LRP2: variants seen among roughly 807,000 people sequenced by gnomAD.
LRP2 encodes the protein LDL receptor related protein 2.
LRP2 carries 172 observed loss-of-function variants against 531.0 expected under a neutral mutation model. The observed-to-expected ratio is 0.32, with a 90% CI of 0.29 to 0.37. The LOEUF (loss-of-function observed/expected upper bound fraction) is 0.37. Among genes scored for constraint, LRP2 ranks in the 10% least tolerant of loss-of-function variants. The probability of loss-of-function intolerance (pLI) is 1.00; values close to 1 mark genes in which losing one functional copy is unlikely to be tolerated. For synonymous variants in LRP2, 1,992 were observed against 2,027.6 expected, an observed-to-expected ratio of 0.98 and a Z score of 0.47; for missense variants, 5,167 against 5,868.3, an observed-to-expected ratio of 0.88 and a Z score of 3.90.
intron 21 of LRP2, among the ~76,000 whole-genome samples, chr2:169,245,150 A>C (rs1434373044): frequency 6.6e-6 from 1 of 152,236 alleles, no homozygotes; most frequent in Non-Finnish European, 1.5e-5. Context: ...TTATGCACCC[A>C]CACACATCAT....
chr2:169,221,291 G>C (rs924886162), intron 33 of LRP2, among the ~76,000 whole-genome samples: 1 of 152,128 alleles, frequency 6.6e-6, no homozygotes, highest in South Asian at 2.1e-4. Flanking sequence ...TGAGGTATTA[G>C]AGCAAGCATT....
intron 50 of LRP2, among the ~76,000 whole-genome samples, chr2:169,184,775 T>TG (rs1199547043): frequency 3.3e-5 from 5 of 151,458 alleles, no homozygotes; most frequent in Non-Finnish European, 5.9e-5. Context: ...TTGTTTTGTT[T>TG]TTTTTGAGAA....
chr2:169,157,900 T>C (rs1192603909), intron 63 of LRP2, among the ~76,000 whole-genome samples: 1 of 140,712 alleles, frequency 7.1e-6, no homozygotes, highest in Non-Finnish European at 1.5e-5. Flanking sequence ...GATAGATCGA[T>C]AGATAGATAA....
In LRP2 at chr2:169,226,494, T is replaced by G; in HGVS notation, c.5322A>C (p.Ile1774=). The G allele has an allele frequency of 6.2e-7, 1 of 1,613,216 alleles. No homozygotes were observed. The highest frequency in any genetic ancestry group is 8.5e-7 in the Non-Finnish European group (1 of 1,179,236). Reference sequence around the variant, plus strand: ...CATCTAAACCATTCTGTATCCCTGCTATGGGGACCATAGCATCATTGCTCT... The same window carrying G: ...CATCTAAACCATTCTGTATCCCTGCGATGGGGACCATAGCATCATTGCTCT... ...EVKSNDAMVP[I]AGIQNGLDVE... The change falls in exon 32 of 79, where the codon ATA becomes ATC. Residue 1774 remains isoleucine (I), a synonymous_variant. Transcript: ENST00000649046.
rs147998674 is a variant in LRP2, at chr2:169,128,568, T to G, written c.*95A>C. ...GGCAAACAGGGAAAAATATATTTTT[T>G]TCATAAAGTACTGAATGTTAACTTT... is the stretch of plus-strand genomic sequence containing the variant. On this transcript the variant is annotated 3_prime_UTR_variant, in exon 79 of 79. Transcript: ENST00000649046. The G allele has an allele frequency of 1.6e-6, 2 of 1,266,220 alleles. No homozygotes were observed. Among genetic ancestry groups the G allele is most frequent in the Non-Finnish European group, 1.1e-6 (1 of 873,472 alleles). The allele number at this position is 1,266,220 out of a possible 1,614,324, so 78.4% of individuals were successfully genotyped here. A position where few individuals can be genotyped will look rare whatever the true frequency, so the allele number is the denominator to read the frequency against.
chr2:169,288,107 G>A (rs1683906093), intron 9 of LRP2, among the ~76,000 whole-genome samples: 1 of 151,978 alleles, frequency 6.6e-6, no homozygotes, highest in African/African-American at 2.4e-5. Flanking sequence ...CCCAACAGCA[G>A]TAAAAATAGT....
At chr2:169,299,746 A>C (rs1304414547) in intron 4 of LRP2, among the ~76,000 whole-genome samples, 1 of 152,106 alleles carries the variant, frequency 6.6e-6, no homozygotes, top group Non-Finnish European at 1.5e-5. Context: ...TTCATACTTT[A>C]GTAGTTATTC....
chr2:169,280,963 T>C (rs879486483), intron 10 of LRP2, among the ~76,000 whole-genome samples: 17 of 152,234 alleles, frequency 1.1e-4, no homozygotes, highest in Non-Finnish European at 2.2e-4. Context: ...GTTCCAAATC[T>C]GTTCTGTCTG....
At chr2:169,229,330 T>C (rs74400513) in intron 31 of LRP2, among the ~76,000 whole-genome samples, 5,640 of 152,278 alleles carry the variant, frequency 0.037, 147 homozygotes, top group South Asian at 0.097. Flanking sequence ...TAGTCAGGAA[T>C]GAGAACTCAG....
At chr2:169,227,714 T>C (rs1458958808) in intron 31 of LRP2, among the ~76,000 whole-genome samples, 1 of 152,190 alleles carries the variant, frequency 6.6e-6, no homozygotes, top group Non-Finnish European at 1.5e-5. Context: ...TCTCATTAGC[T>C]TTTTCTTGTT....
intron 1 of LRP2, among the ~76,000 whole-genome samples, chr2:169,339,119 C>G (rs1159588494): frequency 2.1e-5 from 3 of 143,660 alleles, no homozygotes; most frequent in Non-Finnish European, 3.1e-5. Flanking sequence ...TTTTTTTTTG[C>G]TTCTTATATA....
Position 169,205,568 on chromosome 2 carries a change from G to T in LRP2, c.7626C>A (p.Arg2542=). The T allele has an allele frequency of 6.2e-7, 1 of 1,613,782 alleles. No homozygotes were observed. Among genetic ancestry groups the T allele is most frequent in the Non-Finnish European group, 8.5e-7 (1 of 1,179,934 alleles). Residue 2542 remains arginine, a synonymous_variant, in exon 41 of 79, where the codon CGC becomes CGA. Transcript: ENST00000649046. ...CCAGACTGCTGTTCACAATGGGTAC[G>T]CGGAAGTTTCCTCCCAATGTGGCTC... The part of the protein sequence containing the change: ...IERATLGGNF[R]VPIVNSSLVM...
chr2:169,336,217 A>G (rs1685399208), intron 1 of LRP2, among the ~76,000 whole-genome samples: 2 of 152,062 alleles, frequency 1.3e-5, no homozygotes, highest in African/African-American at 2.4e-5. Context: ...ATAGATTTCC[A>G]TAAACCTAGA....
chr2:169,244,843 C>T lies in LRP2; in HGVS notation c.3280G>A (p.Asp1094Asn), dbSNP rs759421141. The change falls in exon 22 of 79, where the codon GAT becomes AAT. Residue 1094 changes from aspartate to asparagine, a missense_variant. Coordinates refer to ENST00000649046, the MANE Select transcript of LRP2 (RefSeq NM_004525.3). ...GGGCAGTTGTGCTCATCACTGCCAT[C>T]CACACAGTCGTTGCGTTTGTCACAG... ...WRCDKRNDCVDGSDEHNCPTH... is the reference protein window; with the variant it reads ...WRCDKRNDCVNGSDEHNCPTH... 1.1e-5 allele frequency: 18 copies of T among 1,614,120 alleles called. No individual in the cohort carries two copies. Among genetic ancestry groups the T allele is most frequent in the South Asian group, 5.5e-5 (5 of 91,094 alleles).
intron 19 of LRP2, 60 bp downstream of exon 19, chr2:169,256,046 T>G: frequency 1.3e-6 from 2 of 1,569,626 alleles, no homozygotes; most frequent in Non-Finnish European, 1.8e-6. Flanking sequence ...GAGGATGAGT[T>G]TACTATTGTA....
chr2:169,143,979 A>G lies in LRP2; in HGVS notation c.12989-1186T>C, dbSNP rs188035858. Among the ~76,000 whole-genome samples the G allele has an allele frequency of 6.2e-3, 937 of 152,330 alleles. 7 individuals are homozygous for G. The highest frequency in any genetic ancestry group is 0.014 in the Middle Eastern group (4 of 294). The stretch of plus-strand genomic sequence containing the variant: ...CTCATTACCATTTCGTCGGCCCTCC[A>G]GAGTGGAGATTTTCAAACTTGAATG... On this transcript the variant is annotated intron_variant, in intron 70 of 78. Coordinates refer to ENST00000649046, the MANE Select transcript of LRP2 (RefSeq NM_004525.3).
intron 44 of LRP2, among the ~76,000 whole-genome samples, chr2:169,200,535 C>T (rs1246819002): frequency 6.6e-6 from 1 of 152,024 alleles, no homozygotes; most frequent in Non-Finnish European, 1.5e-5. Flanking sequence ...GACAACTGGG[C>T]ACCAAGAAAA....
At chr2:169,221,936 AC>A (rs774270578) in intron 33 of LRP2, among the ~76,000 whole-genome samples, 54 of 109,806 alleles carry the variant, frequency 4.9e-4, no homozygotes, top group South Asian at 1.2e-3. Context: ...TGTAGGCTTC[AC>A]TACAAAATTC....
At position 169,188,222 on chromosome 2, in the gene LRP2, C is replaced by G; in HGVS notation, c.9076G>C (p.Gly3026Arg). 6.2e-7 allele frequency: 1 copy of G among 1,614,126 alleles called. No individual in the cohort carries two copies. Among genetic ancestry groups the G allele is most frequent in the Non-Finnish European group, 8.5e-7 (1 of 1,180,024 alleles). ...TGTTGGCAAGTCTGGTATAAGCAGCCCCTCTCGTCGCTATAGTCACCACAG... is the reference window on the plus strand; with the variant it reads ...TGTTGGCAAGTCTGGTATAAGCAGCGCCTCTCGTCGCTATAGTCACCACAG... ...NDCGDYSDERGCLYQTCQQNQ... is the reference protein window; with the variant it reads ...NDCGDYSDERRCLYQTCQQNQ... The change falls in exon 49 of 79, where the codon GGC (glycine) becomes CGC (arginine). Residue 3026 changes from glycine (G) to arginine (R), a missense_variant. Physicochemically the swap from Gly to Arg is moderately radical, Grantham distance 125 (BLOSUM62 -2). Around this residue, in one of 6 missense-constraint regions of LRP2, gnomAD observed 1,129 missense variants for 1,362.7 expected, o/e 0.83. Coordinates refer to ENST00000649046, the MANE Select transcript of LRP2 (RefSeq NM_004525.3).
Sources: allele counts gnomAD v4.1 joint callset (sites outside exome capture counted in the v4.1 genomes callset), GRCh38; gene constraint gnomAD v4.1.1; regional missense constraint gnomAD v4.1.1; transcripts MANE v1.5; gene names NCBI Gene and HGNC (gene_info 2026-07-23, HGNC 2026-07-21).